Variants in MBNL2 observed in about 807,000 individuals in gnomAD.
MBNL2 encodes the protein muscleblind-like protein 2.
A neutral mutation model predicts 41.9 loss-of-function variants in MBNL2; 17 were observed. The ratio of observed to expected loss-of-function variants is 0.41; its 90% confidence interval spans 0.28 to 0.61. MBNL2 has a LOEUF of 0.61. Ranked by LOEUF, MBNL2 falls within the 20% of genes least tolerant of loss-of-function variation. The pLI is 0.35. For synonymous variants in MBNL2, 195 were observed against 182.9 expected (o/e 1.07, Z -0.53); for missense variants, 336 against 505.6 (o/e 0.66, Z 3.22).
At chr13:97,168,986 G>A in the MBNL2 span, among the ~76,000 whole-genome samples, 2 of 152,086 alleles carry the variant, frequency 1.3e-5, no homozygotes, top group East Asian at 1.9e-4. Flanking sequence ...ACCAAAGACA[G>A]AAAGTGCTGG....
intron 1 of MBNL2, among the ~76,000 whole-genome samples, chr13:97,262,144 A>G (rs1435290063): frequency 6.6e-6 from 1 of 152,202 alleles, no homozygotes; most frequent in East Asian, 1.9e-4. Flanking sequence ...CAGGCACCAA[A>G]GCATCTCTGA....
At chr13:97,363,436 GTGTGTGTGTGTGT>G (rs768820825) in intron 7 of MBNL2, among the ~76,000 whole-genome samples, 5 of 149,136 alleles carry the variant, frequency 3.4e-5, no homozygotes, top group Non-Finnish European at 7.5e-5. Flanking sequence ...GTGTGTGTGT[GTGTGTGTGTGTGT>G]GTGTGTGTGT....
rs2152904718 is a variant in MBNL2, at chr13:97,268,150, A to G, written c.-604-7482A>G. 6.6e-6 allele frequency among the ~76,000 whole-genome samples: 1 copy of G among 151,962 alleles called. No homozygotes were observed. The highest frequency in any genetic ancestry group is 3.4e-3 in the Middle Eastern group (1 of 294). ...GCTCTTGTCATCCAGGCTAGAGTGC[A>G]GTGGCACGATCTTGGCTCACTGCAA... On this transcript the variant is annotated intron_variant, in intron 1 of 8. Transcript: ENST00000679496. This position sits in a 1 kb window ranked among gnomAD's most constrained non-coding sequence, Gnocchi z 4.6.
chr13:97,232,003 A>G (rs997861743), intron 1 of MBNL2, among the ~76,000 whole-genome samples: 3 of 152,134 alleles, frequency 2.0e-5, no homozygotes, highest in African/African-American at 7.2e-5. Context: ...CCTCATCTCC[A>G]AAGAATGTGA....
intron 8 of MBNL2, among the ~76,000 whole-genome samples, chr13:97,377,179 C>G (rs780518888): frequency 3.9e-5 from 6 of 152,160 alleles, no homozygotes; most frequent in Non-Finnish European, 8.8e-5. Flanking sequence ...CCCTCTCTAG[C>G]GATGAGGAAA....
the MBNL2 span, among the ~76,000 whole-genome samples, chr13:97,206,388 G>A: frequency 2.6e-5 from 4 of 151,954 alleles, no homozygotes; most frequent in South Asian, 2.1e-4. Context: ...TCAGCTTTAT[G>A]GGAGTGGAAG....
At chr13:97,256,127 A>T (rs2047474035) in intron 1 of MBNL2, among the ~76,000 whole-genome samples, 1 of 152,228 alleles carries the variant, frequency 6.6e-6, no homozygotes, top group South Asian at 2.1e-4. Flanking sequence ...AAAAAAAATT[A>T]TTGCAAGGCT....
At chr13:97,166,841 A>AAGAAAGAT in the MBNL2 span, among the ~76,000 whole-genome samples, 3 of 114,260 alleles carry the variant, frequency 2.6e-5, no homozygotes, top group African/African-American at 6.9e-5. Context: ...GATAGATAGA[A>AAGAAAGAT]AGATAGATAG....
intron 1 of MBNL2, among the ~76,000 whole-genome samples, chr13:97,239,123 C>G (rs768114246): frequency 1.5e-4 from 23 of 152,360 alleles, no homozygotes; most frequent in Admixed American, 2.6e-4. Context: ...AACTGCAATA[C>G]AGAGACTGCT....
At chr13:97,288,834 G>A (rs17301362) in intron 2 of MBNL2, among the ~76,000 whole-genome samples, 12,896 of 152,198 alleles carry the variant, frequency 0.085, 607 homozygotes, top group South Asian at 0.14. Context: ...GGGATTCAGG[G>A]AATGAGTAGA....
chr13:97,378,764 A>C (rs1344573825), intron 8 of MBNL2, among the ~76,000 whole-genome samples: 1 of 152,218 alleles, frequency 6.6e-6, no homozygotes, highest in African/African-American at 2.4e-5. Flanking sequence ...GAAACTGAAA[A>C]AAAATTATTT....
intron 2 of MBNL2, among the ~76,000 whole-genome samples, chr13:97,307,585 A>G (rs1342649178): frequency 6.6e-6 from 1 of 152,228 alleles, no homozygotes; most frequent in African/African-American, 2.4e-5. Context: ...TTAGTCCACA[A>G]CAGGAAGGGA....
the MBNL2 span, among the ~76,000 whole-genome samples, chr13:97,214,788 T>A: frequency 6.6e-6 from 1 of 152,184 alleles, no homozygotes; most frequent in Non-Finnish European, 1.5e-5. Context: ...GGGCGAATTC[T>A]AGTGAGCACA....
At chr13:97,228,623 A>G (rs1447896666) in intron 1 of MBNL2, among the ~76,000 whole-genome samples, 2 of 146,260 alleles carry the variant, frequency 1.4e-5, no homozygotes, top group African/African-American at 2.5e-5. Context: ...TCTGCCTCCC[A>G]GGTTCAAGCG....
chr13:97,146,157 A>ATTT, the MBNL2 span, among the ~76,000 whole-genome samples: 23 of 140,850 alleles, frequency 1.6e-4, no homozygotes, highest in African/African-American at 5.7e-4. Flanking sequence ...CAACCGGCTA[A>ATTT]TTTTTTTTTT....
the MBNL2 span, among the ~76,000 whole-genome samples, chr13:97,202,635 T>A: frequency 0.3 from 46,183 of 152,066 alleles, 11,714 homozygotes; most frequent in African/African-American, 0.7. Flanking sequence ...AGTATTAAAT[T>A]AAAGACGTGA....
At chr13:97,207,762 C>T in the MBNL2 span, among the ~76,000 whole-genome samples, 255 of 152,324 alleles carry the variant, frequency 1.7e-3, no homozygotes, top group African/African-American at 5.4e-3. Context: ...TCAGCATTAA[C>T]TCAAAAGTCC....
At chr13:97,391,291 C>A in intron 8 of MBNL2, 31 bp from the exon 9 acceptor site, 1 of 959,670 alleles carries the variant, frequency 1.0e-6, no homozygotes, top group Non-Finnish European at 1.7e-6. Context: ...CAGAAGGATA[C>A]CTAAATCATG....
chr13:97,208,037 A>G, the MBNL2 span, among the ~76,000 whole-genome samples: 3 of 152,218 alleles, frequency 2.0e-5, no homozygotes, highest in African/African-American at 7.2e-5. Context: ...GGTCTTGAAC[A>G]GCTCTGCTCC....
Sources: allele counts gnomAD v4.1 joint callset (sites outside exome capture counted in the v4.1 genomes callset), GRCh38; gene constraint gnomAD v4.1.1; non-coding constraint Gnocchi (gnomAD v3.1); transcripts MANE v1.5; gene names NCBI Gene and HGNC (gene_info 2026-07-23, HGNC 2026-07-21).